Variants in FGF18 observed in about 807,000 individuals in gnomAD.
FGF18 encodes the protein fibroblast growth factor 18.
Under a neutral mutation model 23.0 loss-of-function variants are expected in FGF18, and 5 were observed. The observed-to-expected ratio is 0.22, with a 90% CI of 0.11 to 0.46. The LOEUF is 0.46. Among genes scored for constraint, FGF18 ranks in the 20% least tolerant of loss-of-function variants. The probability of loss-of-function intolerance (pLI) is 0.99; values close to 1 mark genes in which losing one functional copy is unlikely to be tolerated. For missense variants in FGF18, 180 were observed against 291.6 expected (o/e 0.62, Z 2.79); for synonymous variants, 117 against 118.9 (o/e 0.98, Z 0.10).
intron 2 of FGF18, 53 bp downstream of exon 2, chr5:171,420,496 C>T (rs543911542): frequency 2.4e-5 from 38 of 1,551,642 alleles, no homozygotes; most frequent in Admixed American, 3.3e-5. Flanking sequence ...GCGGTACACG[C>T]CGACCCCCCT....
At chr5:171,429,346 T>C (rs529680335) in intron 2 of FGF18, among the ~76,000 whole-genome samples, 1 of 152,312 alleles carries the variant, frequency 6.6e-6, no homozygotes, top group African/African-American at 2.4e-5. Context: ...CTGCTCAGGT[T>C]GTGTGAGGAG....
At chr5:171,443,848 C>A (rs576532401) in intron 3 of FGF18, among the ~76,000 whole-genome samples, 1 of 152,316 alleles carries the variant, frequency 6.6e-6, no homozygotes, top group South Asian at 2.1e-4. Flanking sequence ...TGGCCCCAGC[C>A]CTGGGTGGCC....
intron 4 of FGF18, among the ~76,000 whole-genome samples, chr5:171,450,759 G>GGGTCCCCCTAGCCTGGCC (rs907852939): frequency 1.3e-5 from 2 of 152,054 alleles, no homozygotes; most frequent in African/African-American, 4.8e-5. Context: ...CGCGGGCGCC[G>GGGTCCCCCTAGCCTGGCC]GGTCCCCCTA....
chr5:171,447,079 G>C (rs1772428980), intron 3 of FGF18, among the ~76,000 whole-genome samples: 1 of 152,212 alleles, frequency 6.6e-6, no homozygotes, highest in Non-Finnish European at 1.5e-5. Context: ...CCCTCCCTGA[G>C]AACAGAGTGC....
intron 3 of FGF18, among the ~76,000 whole-genome samples, chr5:171,438,574 C>G (rs1439285819): frequency 6.6e-6 from 1 of 152,130 alleles, no homozygotes; most frequent in African/African-American, 2.4e-5. Context: ...CTTGGCTTCT[C>G]TGCCAGCACC....
intron 2 of FGF18, among the ~76,000 whole-genome samples, chr5:171,422,889 A>T (rs770651461): frequency 9.2e-5 from 14 of 152,162 alleles, no homozygotes; most frequent in Non-Finnish European, 1.8e-4. Context: ...CCAGAGTCTT[A>T]GCTGCATCAT....
Position 171,436,566 on chromosome 5 carries a change from A to G in FGF18, c.250+293A>G, listed in dbSNP as rs953509334. On this transcript the variant is annotated intron_variant, in intron 3 of 4. Coordinates refer to ENST00000274625, the MANE Select transcript of FGF18 (RefSeq NM_003862.3). This position sits in a 1 kb window ranked among gnomAD's most constrained non-coding sequence, Gnocchi z 4.4. ...CAGTGGCTTGCCTGGGATGGCCTAA[A>G]GCAGGTGGCTGTTCCCATGCCACCA... is the stretch of plus-strand genomic sequence containing the variant. Among the ~76,000 whole-genome samples the G allele has an allele frequency of 6.6e-6, 1 of 152,250 alleles. No homozygotes were observed. Among genetic ancestry groups the G allele is most frequent in the Non-Finnish European group, 1.5e-5 (1 of 68,050 alleles).
chr5:171,455,316 T>A (rs1474794146), intron 4 of FGF18, among the ~76,000 whole-genome samples: 1 of 152,222 alleles, frequency 6.6e-6, no homozygotes, highest in Non-Finnish European at 1.5e-5. Context: ...CCTTTCTTCA[T>A]ACCAAGTATT....
intron 3 of FGF18, among the ~76,000 whole-genome samples, chr5:171,442,583 G>A (rs1772362448): frequency 6.6e-6 from 1 of 152,244 alleles, no homozygotes; most frequent in South Asian, 2.1e-4. Flanking sequence ...GCTCTTGCGG[G>A]TCTTGGGGAC....
Position 171,419,934 on chromosome 5 carries a change from C to T in FGF18, c.-266C>T, listed in dbSNP as rs1406677894. On this transcript the variant is annotated 5_prime_UTR_variant, in exon 1 of 5. Transcript: ENST00000274625. The stretch of plus-strand genomic sequence containing the variant: ...GAGCTTCCCCGCACCGGCCAGGCGC[C>T]TCCTGCACAGCGGCTGCCGCCCCGC... The T allele has an allele frequency of 6.2e-6, 1 of 161,614 alleles. No homozygotes were observed. The highest frequency in any genetic ancestry group is 1.3e-5 in the Non-Finnish European group (1 of 74,920). 10.0% of individuals were successfully genotyped at this position (161,614 alleles called of 1,614,324 possible).
intron 2 of FGF18, among the ~76,000 whole-genome samples, chr5:171,423,301 T>C (rs1398933405): frequency 1.3e-5 from 2 of 152,334 alleles, no homozygotes; most frequent in South Asian, 2.1e-4. Flanking sequence ...ATAGCTCAAA[T>C]TGGAAGAATT....
intron 2 of FGF18, among the ~76,000 whole-genome samples, chr5:171,428,654 A>C (rs1238407798): frequency 6.6e-6 from 1 of 152,192 alleles, no homozygotes; most frequent in Non-Finnish European, 1.5e-5. Context: ...TGGCTGGCGC[A>C]TCCATTCCCA....
intron 2 of FGF18, among the ~76,000 whole-genome samples, chr5:171,423,498 C>T (rs1011942571): frequency 6.6e-6 from 1 of 152,168 alleles, no homozygotes; most frequent in Non-Finnish European, 1.5e-5. Flanking sequence ...TGAGGCGGGC[C>T]AGGCTCGGCG....
At chr5:171,430,820 A>C (rs1039861864) in intron 2 of FGF18, among the ~76,000 whole-genome samples, 2 of 151,218 alleles carry the variant, frequency 1.3e-5, no homozygotes, top group Admixed American at 6.6e-5. Flanking sequence ...AAAAAAAGAA[A>C]AAAGAGTAAT....
chr5:171,446,247 T>C (rs927141089), intron 3 of FGF18, among the ~76,000 whole-genome samples: 1 of 151,888 alleles, frequency 6.6e-6, no homozygotes, highest in South Asian at 2.1e-4. Context: ...TTGTGGTGGG[T>C]GGAGGTGCAA....
chr5:171,440,891 G>A lies in FGF18; in HGVS notation c.250+4618G>A, dbSNP rs1282362720. On this transcript the variant is annotated intron_variant, in intron 3 of 4. Coordinates refer to ENST00000274625, the MANE Select transcript of FGF18 (RefSeq NM_003862.3). The surrounding 1 kb of genome is among the most constrained non-coding windows in gnomAD (Gnocchi z 4.0). ...TGCTGCGGTGGAACCATCTGTTGAC[G>A]TGGCTGGTGCCCCTGCGAGAGTGTG... Among the ~76,000 whole-genome samples, 2 of 152,192 alleles carry A rather than the reference G, an allele frequency of 1.3e-5. No homozygotes were observed. The highest frequency in any genetic ancestry group is 2.4e-5 in the African/African-American group (1 of 41,440).
In FGF18 at chr5:171,457,147, G is replaced by T; in HGVS notation, c.*342G>T. 1 of 189,842 alleles carries T rather than the reference G, an allele frequency of 5.3e-6. No homozygotes were observed. 11.8% of individuals were successfully genotyped at this position (189,842 alleles called of 1,614,324 possible). Reference sequence around the variant, plus strand: ...AGAAACCAAAGTCCTTTTTCCCAAAGGTTCTGAAAGGAAAAAAAAAAAAAA... The same window carrying T: ...AGAAACCAAAGTCCTTTTTCCCAAATGTTCTGAAAGGAAAAAAAAAAAAAA... On this transcript the variant is annotated 3_prime_UTR_variant, in exon 5 of 5. Transcript: ENST00000274625.
At chr5:171,435,770 C>T (rs1772235967) in intron 2 of FGF18, among the ~76,000 whole-genome samples, 1 of 152,168 alleles carries the variant, frequency 6.6e-6, no homozygotes, top group African/African-American at 2.4e-5. Context: ...AGCTCTGCCC[C>T]ACCATTTTAC....
chr5:171,420,358 G>T (rs758356904), intron 1 of FGF18, 49 bp from the exon 2 acceptor site: 2 of 1,609,496 alleles, frequency 1.2e-6, no homozygotes, highest in Non-Finnish European at 1.7e-6. Flanking sequence ...CTGTCCGTGC[G>T]CCCCCTTCCT....
Sources: allele counts gnomAD v4.1 joint callset (sites outside exome capture counted in the v4.1 genomes callset), GRCh38; gene constraint gnomAD v4.1.1; non-coding constraint Gnocchi (gnomAD v3.1); transcripts MANE v1.5; gene names NCBI Gene and HGNC (gene_info 2026-07-23, HGNC 2026-07-21).